The following PCDHGB7 variants were observed in gnomAD, a reference collection of about 807,000 sequenced individuals.
PCDHGB7 encodes protocadherin gamma subfamily B, 7, also known as protocadherin gamma-B7.
PCDHGB7 carries 37 observed loss-of-function variants against 61.4 expected under a neutral mutation model. The observed-to-expected ratio is 0.60, with a 90% CI of 0.46 to 0.79. The LOEUF is 0.79. PCDHGB7 is among the 30% of genes least tolerant of loss of function. The probability of loss-of-function intolerance (pLI) is 0.00; values close to 1 mark genes in which losing one functional copy is unlikely to be tolerated. For missense variants in PCDHGB7, 1,166 were observed against 1,202.5 expected, an observed-to-expected ratio of 0.97 and a Z score of 0.45; for synonymous variants, 464 against 503.5, an observed-to-expected ratio of 0.92 and a Z score of 1.05.
At chr5:141,421,351 A>G in intron 1 of PCDHGB7, 2 of 1,613,988 alleles carry the variant, frequency 1.2e-6, no homozygotes, top group Non-Finnish European at 1.7e-6. Flanking sequence ...AGAGACCGAA[A>G]AGGGCTCCTT....
rs933089146 is a variant in PCDHGB7, at chr5:141,490,786, A to G, written c.2416-4021A>G. ...GTATGTCAACCCAGAGGATGGACGGATCTTTGCCCAGCGTACCTTTGACTA... is the reference window on the plus strand; with the variant it reads ...GTATGTCAACCCAGAGGATGGACGGGTCTTTGCCCAGCGTACCTTTGACTA... On this transcript the variant is annotated intron_variant, in intron 1 of 3. Coordinates refer to ENST00000398594, the MANE Select transcript of PCDHGB7 (RefSeq NM_018927.4). This position sits in a 1 kb window ranked among gnomAD's most constrained non-coding sequence, Gnocchi z 5.4. The G allele has an allele frequency of 1.9e-6, 3 of 1,614,056 alleles. No individual in the cohort carries two copies. The highest frequency in any genetic ancestry group is 1.7e-5 in the Admixed American group (1 of 60,016).
At chr5:141,506,563 C>T (rs925780739) in intron 3 of PCDHGB7, among the ~76,000 whole-genome samples, 2 of 152,062 alleles carry the variant, frequency 1.3e-5, no homozygotes, top group Non-Finnish European at 2.9e-5. Context: ...TAAACCCCCT[C>T]GGTTTCACTT....
At chr5:141,423,228 C>G (rs1321708353) in intron 1 of PCDHGB7, 5 of 1,613,866 alleles carry the variant, frequency 3.1e-6, no homozygotes, top group Non-Finnish European at 2.5e-6. Context: ...CTGTGGCCGA[C>G]AGCATCCCCG....
At chr5:141,428,241 A>C (rs1416124194) in intron 1 of PCDHGB7, 1 of 961,518 alleles carries the variant, frequency 1.0e-6, no homozygotes, top group Admixed American at 2.0e-5. Flanking sequence ...TGCAGGAGGC[A>C]CTGCCAGACT....
At chr5:141,433,097 G>A (rs777101945) in intron 1 of PCDHGB7, 11 of 1,614,044 alleles carry the variant, frequency 6.8e-6, no homozygotes, top group Admixed American at 3.3e-5. Flanking sequence ...AGACATGCTC[G>A]TCAGCCAGGA....
At chr5:141,421,754 A>G (rs1230343518) in intron 1 of PCDHGB7, 4 of 1,613,918 alleles carry the variant, frequency 2.5e-6, no homozygotes, top group East Asian at 2.2e-5. Context: ...CTCAGCCCTA[A>G]TAATTACTTT....
chr5:141,466,285 C>A (rs1271958613), intron 1 of PCDHGB7, among the ~76,000 whole-genome samples: 1 of 152,148 alleles, frequency 6.6e-6, no homozygotes, highest in African/African-American at 2.4e-5. Context: ...ATCTTCCCAC[C>A]TCAGGCTCCC....
chr5:141,434,566 G>A (rs1280487112), intron 1 of PCDHGB7, among the ~76,000 whole-genome samples: 1 of 152,196 alleles, frequency 6.6e-6, no homozygotes, highest in African/African-American at 2.4e-5. Flanking sequence ...TTAAGGACAT[G>A]CCCCTGCTGC....
intron 1 of PCDHGB7, among the ~76,000 whole-genome samples, chr5:141,451,542 G>A (rs1023356681): frequency 3.3e-5 from 5 of 152,148 alleles, no homozygotes; most frequent in Non-Finnish European, 7.3e-5. Context: ...GCCAGAGAGG[G>A]CAAATGTGAT....
In PCDHGB7 at chr5:141,419,093, C is replaced by T. The variant is rs1191453038; in HGVS notation, c.1234C>T (p.Arg412Trp). 2.5e-6 allele frequency: 4 copies of T among 1,613,916 alleles called. No homozygotes were observed. Among genetic ancestry groups the T allele is most frequent in the South Asian group, 1.1e-5 (1 of 91,088 alleles). Residue 412 changes from arginine (R) to tryptophan (W), a missense_variant, in exon 1 of 4, where the codon CGG becomes TGG. Transcript: ENST00000398594. ...YKLVTDEALD[R>W]EQTPEYNVTI... is the part of the protein sequence containing the mutation. ...GCTAGTAACAGATGAGGCCCTGGATCGGGAGCAGACCCCAGAGTACAACGT... is the reference window on the plus strand; with the variant it reads ...GCTAGTAACAGATGAGGCCCTGGATTGGGAGCAGACCCCAGAGTACAACGT...
rs771884610 is a variant in PCDHGB7, at chr5:141,491,436, G to T, written c.2416-3371G>T. 1 of 1,614,070 alleles carries T rather than the reference G, an allele frequency of 6.2e-7. No individual in the cohort carries two copies. ...ACGGGGGTGGAGGGCAGTGCTGCAGGCGCCAGGACTCACCCTCCCCGGACT... is the reference window on the plus strand; with the variant it reads ...ACGGGGGTGGAGGGCAGTGCTGCAGTCGCCAGGACTCACCCTCCCCGGACT... On this transcript the variant is annotated intron_variant, in intron 1 of 3. Coordinates refer to ENST00000398594, the MANE Select transcript of PCDHGB7 (RefSeq NM_018927.4). The surrounding 1 kb of genome is among the most constrained non-coding windows in gnomAD (Gnocchi z 6.9).
intron 1 of PCDHGB7, among the ~76,000 whole-genome samples, chr5:141,472,178 A>G (rs1337942457): frequency 6.6e-6 from 1 of 152,210 alleles, no homozygotes; most frequent in African/African-American, 2.4e-5. Flanking sequence ...AATATCCAGT[A>G]TTGGAATTTG....
chr5:141,433,921 T>G (rs1203867326), intron 1 of PCDHGB7, among the ~76,000 whole-genome samples: 2 of 152,012 alleles, frequency 1.3e-5, no homozygotes, highest in African/African-American at 4.8e-5. Flanking sequence ...CACCTCCAAA[T>G]GAAGATTTTA....
intron 3 of PCDHGB7, among the ~76,000 whole-genome samples, chr5:141,507,582 T>G (rs1221383898): frequency 6.6e-6 from 1 of 152,264 alleles, no homozygotes; most frequent in Non-Finnish European, 1.5e-5. Flanking sequence ...AGATGCCAAG[T>G]TGGCCTCTTG....
intron 1 of PCDHGB7, chr5:141,427,783 C>T (rs765131117): frequency 1.4e-6 from 2 of 1,460,966 alleles, no homozygotes; most frequent in Non-Finnish European, 1.9e-6. Flanking sequence ...CGGGCACTGT[C>T]GTCCTACGTG....
In PCDHGB7 at chr5:141,476,208, C is replaced by A. The variant is rs1266601125; in HGVS notation, c.2416-18599C>A. 1.2e-6 allele frequency: 2 copies of A among 1,613,912 alleles called. No homozygotes were observed. Among genetic ancestry groups the A allele is most frequent in the East Asian group, 4.5e-5 (2 of 44,826 alleles). On this transcript the variant is annotated intron_variant, in intron 1 of 3. Coordinates refer to ENST00000398594, the MANE Select transcript of PCDHGB7 (RefSeq NM_018927.4). The surrounding 1 kb of genome is among the most constrained non-coding windows in gnomAD (Gnocchi z 7.6). ...CTTGGTGCCTTGAACAAGGCTTCCA[C>A]GGTCATTCACTATGAGATCCCGGAG...
Position 141,485,411 on chromosome 5 carries a change from G to C in PCDHGB7, c.2416-9396G>C, listed in dbSNP as rs1412397411. On this transcript the variant is annotated intron_variant, in intron 1 of 3. Coordinates refer to ENST00000398594, the MANE Select transcript of PCDHGB7 (RefSeq NM_018927.4). This position sits in a 1 kb window ranked among gnomAD's most constrained non-coding sequence, Gnocchi z 5.7. The stretch of plus-strand genomic sequence containing the variant: ...CCAAAGACACTTCCGTGTGGATTTG[G>C]ACAGCGGAGCCCTGCTCATCAAGAA... The C allele has an allele frequency of 2.5e-6, 4 of 1,614,054 alleles. No homozygotes were observed. Among genetic ancestry groups the C allele is most frequent in the Non-Finnish European group, 3.4e-6 (4 of 1,180,044 alleles).
chr5:141,464,572 A>G (rs912710973), intron 1 of PCDHGB7, among the ~76,000 whole-genome samples: 5 of 152,148 alleles, frequency 3.3e-5, no homozygotes, highest in African/African-American at 1.2e-4. Flanking sequence ...CTACAAATAG[A>G]TGAGAATGTC....
intron 1 of PCDHGB7, among the ~76,000 whole-genome samples, chr5:141,450,315 G>A (rs1319432573): frequency 1.3e-5 from 2 of 151,918 alleles, no homozygotes; most frequent in African/African-American, 4.8e-5. Context: ...GTGTGGCCTA[G>A]TTGCCATGTC....
Sources: gnomAD v4.1 joint callset for allele counts (sites outside exome capture counted in the v4.1 genomes callset) on GRCh38, gnomAD v4.1.1 for gene constraint, Gnocchi (gnomAD v3.1) non-coding constraint, MANE v1.5 for transcripts, NCBI Gene and HGNC (gene_info 2026-07-23, HGNC 2026-07-21) for gene names.